TSPAN18: variants seen among roughly 807,000 people sequenced by gnomAD.
TSPAN18 encodes tetraspanin 18, also known as tetraspanin-18.
Under a neutral mutation model 27.3 loss-of-function variants are expected in TSPAN18, and 14 were observed. The observed-to-expected ratio is 0.51, with a 90% CI of 0.34 to 0.80. The LOEUF (loss-of-function observed/expected upper bound fraction) is 0.80. Ranked by LOEUF, TSPAN18 falls within the 30% of genes least tolerant of loss-of-function variation. The pLI is 0.01. For missense variants in TSPAN18, 268 were observed against 323.9 expected (o/e 0.83, Z 1.32); for synonymous variants, 143 against 136.5 (o/e 1.05, Z -0.33).
chr11:44,804,863 A>G (rs1243597048), intron 2 of TSPAN18, among the ~76,000 whole-genome samples: 8 of 152,232 alleles, frequency 5.3e-5, no homozygotes, highest in African/African-American at 1.7e-4. Flanking sequence ...TTCCCACCCC[A>G]TTATGAGTTC....
intron 4 of TSPAN18, chr11:44,909,465 G>A (rs1401500007): frequency 2.0e-6 from 1 of 511,540 alleles, no homozygotes; most frequent in African/African-American, 1.9e-5. Context: ...TGGGGCTTGG[G>A]TCGGAAATTG....
At chr11:44,805,290 A>G (rs1856568698) in intron 2 of TSPAN18, among the ~76,000 whole-genome samples, 1 of 152,216 alleles carries the variant, frequency 6.6e-6, no homozygotes, top group South Asian at 2.1e-4. Flanking sequence ...AGCCAGGGAG[A>G]ACGTACAGAG....
chr11:44,783,030 T>C lies in TSPAN18; in HGVS notation c.-153+18518T>C, dbSNP rs138469865. 7.7e-3 allele frequency among the ~76,000 whole-genome samples: 1,179 copies of C among 152,290 alleles called. 10 individuals carry two copies. Among genetic ancestry groups the C allele is most frequent in the African/African-American group, 0.027 (1,129 of 41,558 alleles). ...TTTTAGTAGAGATGGCGTTTTACCA[T>C]GTTGGCCAGGCTGGTCTCGAACTCC... On this transcript the variant is annotated intron_variant, in intron 2 of 9. Coordinates refer to ENST00000520358, the MANE Select transcript of TSPAN18 (RefSeq NM_130783.5).
At chr11:44,875,472 T>G (rs192054130) in intron 3 of TSPAN18, among the ~76,000 whole-genome samples, 2 of 152,334 alleles carry the variant, frequency 1.3e-5, no homozygotes, top group African/African-American at 4.8e-5. Context: ...CCAGGAAATC[T>G]TACCTACCGA....
chr11:44,747,421 T>G (rs1176420937), intron 1 of TSPAN18, among the ~76,000 whole-genome samples: 1 of 152,024 alleles, frequency 6.6e-6, no homozygotes, highest in Non-Finnish European at 1.5e-5. Flanking sequence ...ATCTGGAAAA[T>G]GGGCGTGAAT....
chr11:44,897,632 G>A (rs1859110241), intron 3 of TSPAN18: 2 of 529,608 alleles, frequency 3.8e-6, no homozygotes, highest in Non-Finnish European at 6.3e-6. Flanking sequence ...GCCCAGATTA[G>A]CAGGACAGTT....
intron 3 of TSPAN18, among the ~76,000 whole-genome samples, chr11:44,862,241 C>T (rs1442348072): frequency 2.0e-5 from 3 of 152,216 alleles, no homozygotes; most frequent in South Asian, 2.1e-4. Flanking sequence ...TGCTGCCCTC[C>T]GCCGCGGCAG....
At chr11:44,847,367 A>G (rs1390995438) in intron 2 of TSPAN18, among the ~76,000 whole-genome samples, 1 of 152,240 alleles carries the variant, frequency 6.6e-6, no homozygotes, top group Non-Finnish European at 1.5e-5. Context: ...CTCTTCTTTA[A>G]GAAAATTGAG....
At chr11:44,875,030 C>G (rs896296110) in intron 3 of TSPAN18, among the ~76,000 whole-genome samples, 1 of 152,214 alleles carries the variant, frequency 6.6e-6, no homozygotes, top group Non-Finnish European at 1.5e-5. Context: ...CCTGCTCCCC[C>G]GTAGTTACAT....
chr11:44,804,103 CTTT>C (rs61368907), intron 2 of TSPAN18, among the ~76,000 whole-genome samples: 1 of 149,910 alleles, frequency 6.7e-6, no homozygotes, highest in African/African-American at 2.4e-5. Context: ...TCTTTTTTTT[CTTT>C]TTTTTTTCCC....
chr11:44,753,152 A>G (rs1013907241), intron 1 of TSPAN18, among the ~76,000 whole-genome samples: 1 of 152,038 alleles, frequency 6.6e-6, no homozygotes, highest in Admixed American at 6.6e-5. Flanking sequence ...TTTTTGAGAC[A>G]GAGTCTTACT....
chr11:44,837,511 T>A (rs1857287276), intron 2 of TSPAN18, among the ~76,000 whole-genome samples: 1 of 152,224 alleles, frequency 6.6e-6, no homozygotes, highest in Non-Finnish European at 1.5e-5. Flanking sequence ...TTACATGAAC[T>A]TAGTTGCTAA....
intron 2 of TSPAN18, among the ~76,000 whole-genome samples, chr11:44,847,863 T>C (rs1268788376): frequency 6.6e-6 from 1 of 152,064 alleles, no homozygotes; most frequent in Admixed American, 6.5e-5. Flanking sequence ...CAATGGAGTT[T>C]CACTGTGTTG....
At chr11:44,819,528 G>A (rs973062325) in intron 2 of TSPAN18, among the ~76,000 whole-genome samples, 4 of 152,096 alleles carry the variant, frequency 2.6e-5, no homozygotes, top group Non-Finnish European at 5.9e-5. Flanking sequence ...TGTTATTATG[G>A]TGCACACTGG....
Position 44,931,646 on chromosome 11 carries a change from C to T in TSPAN18, c.*2468C>T, listed in dbSNP as rs1165419579. 1 of 152,348 alleles carries T rather than the reference C, an allele frequency of 6.6e-6. No individual in the cohort carries two copies. The highest frequency in any genetic ancestry group is 6.5e-5 in the Admixed American group (1 of 15,294). The allele number at this position is 152,348 out of a possible 1,614,324, so 9.4% of individuals were successfully genotyped here. ...CAGTTTCTGCTCCTGTTGGCATTCG[C>T]TCAGGCTGGTAGCTATTTGCAAGAC... On this transcript the variant is annotated 3_prime_UTR_variant, in exon 10 of 10. Coordinates refer to ENST00000520358, the MANE Select transcript of TSPAN18 (RefSeq NM_130783.5).
chr11:44,785,420 C>T (rs1011294338), intron 2 of TSPAN18, among the ~76,000 whole-genome samples: 4 of 152,114 alleles, frequency 2.6e-5, no homozygotes, highest in Non-Finnish European at 2.9e-5. Flanking sequence ...ACAGAGCTTC[C>T]GAATCCCACC....
chr11:44,920,034 C>A, intron 8 of TSPAN18, 35 bp downstream of exon 8: 1 of 1,592,562 alleles, frequency 6.3e-7, no homozygotes, highest in South Asian at 1.1e-5. Context: ...GGGAGTGGGT[C>A]TATCGGGATT....
At chr11:44,877,264 C>A (rs1240866832) in intron 3 of TSPAN18, among the ~76,000 whole-genome samples, 2 of 152,242 alleles carry the variant, frequency 1.3e-5, no homozygotes, top group African/African-American at 2.4e-5. Flanking sequence ...GAAGTCACTA[C>A]TGTGATCTTG....
intron 3 of TSPAN18, among the ~76,000 whole-genome samples, chr11:44,896,925 T>C (rs892536401): frequency 1.2e-4 from 19 of 152,216 alleles, no homozygotes; most frequent in Middle Eastern, 3.4e-3. Context: ...AGTGGGTGGG[T>C]TGAGGGAGGA....
Sources: gnomAD v4.1 joint callset for allele counts (sites outside exome capture counted in the v4.1 genomes callset) on GRCh38, gnomAD v4.1.1 for gene constraint, MANE v1.5 for transcripts, NCBI Gene and HGNC (gene_info 2026-07-23, HGNC 2026-07-21) for gene names.